Variants in PCGF5 observed in about 807,000 individuals in gnomAD.
The protein encoded by PCGF5 is polycomb group RING finger protein 5.
A neutral mutation model predicts 44.3 loss-of-function variants in PCGF5; 9 were observed. The ratio of observed to expected loss-of-function variants is 0.20; its 90% CI spans 0.12 to 0.35. The LOEUF (loss-of-function observed/expected upper bound fraction) is 0.35. PCGF5 is among the 10% of genes least tolerant of loss of function. PCGF5 has a pLI of 1.00. For missense variants in PCGF5, 146 were observed against 305.3 expected (o/e 0.48, Z 3.89); for synonymous variants, 95 against 102.5 (o/e 0.93, Z 0.44).
chr10:91,261,297 T>C, intron 6 of PCGF5, 29 bp from the exon 7 acceptor site: 1 of 1,464,554 alleles, frequency 6.8e-7, no homozygotes, highest in East Asian at 2.4e-5. Context: ...TGGTAGAACA[T>C]TTTAACTGGT....
chr10:91,227,579 AC>A, intron 2 of PCGF5: 1 of 1,177,444 alleles, frequency 8.5e-7, no homozygotes, highest in Non-Finnish European at 1.1e-6. Flanking sequence ...GATTCTTATT[AC>A]ATCTCACCAA....
At chr10:91,191,938 T>C (rs1487128286) in intron 1 of PCGF5, among the ~76,000 whole-genome samples, 1 of 152,242 alleles carries the variant, frequency 6.6e-6, no homozygotes. Flanking sequence ...TGTAGTAATC[T>C]TTATCCAAAG....
intron 1 of PCGF5, among the ~76,000 whole-genome samples, chr10:91,163,458 A>G (rs1191529303): frequency 1.3e-5 from 2 of 151,928 alleles, no homozygotes; most frequent in African/African-American, 4.8e-5. Flanking sequence ...AATGTGTTCG[A>G]AGAAGCTGAC....
At chr10:91,162,948 C>A (rs1843415333), upstream of PCGF5, 2 of 145,482 alleles carry the variant, frequency 1.4e-5, no homozygotes, top group South Asian at 1.9e-4. Context: ...GCCCCCGCCC[C>A]GCGCCGCTCG....
intron 9 of PCGF5, among the ~76,000 whole-genome samples, chr10:91,277,414 A>T (rs56693041): frequency 2.0e-5 from 3 of 152,030 alleles, no homozygotes; most frequent in African/African-American, 7.3e-5. Flanking sequence ...TTTAAGAGAG[A>T]GTATCTACAG....
At chr10:91,219,335 A>T (rs1276763783), upstream of PCGF5, among the ~76,000 whole-genome samples, 1 of 152,220 alleles carries the variant, frequency 6.6e-6, no homozygotes, top group South Asian at 2.1e-4. Context: ...CTCCACTGTT[A>T]TTCTTTTAAA....
At chr10:91,260,868 G>GT (rs1367004096) in intron 6 of PCGF5, among the ~76,000 whole-genome samples, 1 of 151,206 alleles carries the variant, frequency 6.6e-6, no homozygotes, top group Admixed American at 6.6e-5. Context: ...TAAATGACCA[G>GT]TTAATGGGTG....
Position 91,205,648 on chromosome 10 carries a change from C to T in PCGF5, c.-183-17041C>T, listed in dbSNP as rs184186422. Reference sequence around the variant, plus strand: ...TTATGCCAGATTCCTTGCCCTGCATCGGACCACATCAGAATCATTGACAGT... The same window carrying T: ...TTATGCCAGATTCCTTGCCCTGCATTGGACCACATCAGAATCATTGACAGT... On this transcript the variant is annotated intron_variant, in intron 1 of 9. Transcript: ENST00000614189. Among the ~76,000 whole-genome samples, 258 of 152,242 alleles carry T rather than the reference C, an allele frequency of 1.7e-3. 1 individual carries two copies. The highest frequency in any genetic ancestry group is 3.0e-3 in the Non-Finnish European group (204 of 68,006).
intron 6 of PCGF5, among the ~76,000 whole-genome samples, chr10:91,254,203 C>CAT (rs1554850433): frequency 1.6e-4 from 24 of 148,044 alleles, no homozygotes; most frequent in African/African-American, 5.9e-4. Context: ...CCCTCCACCT[C>CAT]GTGTGTGTGT....
chr10:91,279,956 G>A lies in PCGF5; in HGVS notation c.*1640G>A, dbSNP rs1459912722. 6.6e-6 allele frequency: 1 copy of A among 151,956 alleles called. No individual in the cohort carries two copies. Among genetic ancestry groups the A allele is most frequent in the Non-Finnish European group, 1.5e-5 (1 of 67,880 alleles). The allele number at this position is 151,956 out of a possible 1,614,324, so 9.4% of individuals were successfully genotyped here. ...AAAGGCTGAAACTTCATAATTATCTGTTCCTTCTATCTTTTTTTGAGTCAA... is the reference window on the plus strand; with the variant it reads ...AAAGGCTGAAACTTCATAATTATCTATTCCTTCTATCTTTTTTTGAGTCAA... On this transcript the variant is annotated 3_prime_UTR_variant, in exon 10 of 10. Coordinates refer to ENST00000336126, the MANE Select transcript of PCGF5 (RefSeq NM_032373.5).
chr10:91,245,565 A>C (rs1394346130), intron 3 of PCGF5, among the ~76,000 whole-genome samples: 1 of 152,128 alleles, frequency 6.6e-6, no homozygotes, highest in African/African-American at 2.4e-5. Context: ...GCGTATTTGA[A>C]GGGAATGATC....
At chr10:91,265,609 T>C (rs943837000) in intron 8 of PCGF5, among the ~76,000 whole-genome samples, 1 of 152,164 alleles carries the variant, frequency 6.6e-6, no homozygotes, top group Non-Finnish European at 1.5e-5. Flanking sequence ...AGGGTTGCCA[T>C]GTTACCATAT....
At position 91,173,183 on chromosome 10, in the gene PCGF5, T is replaced by TA. The variant is rs1589348512; in HGVS notation, c.-184+10104dup. ...GGGATGCAACACACACTGTGATATT[T>TA]AAGAGCTTAATTTTTAAAGTGTTTT... On this transcript the variant is annotated intron_variant, in intron 1 of 9. Transcript: ENST00000614189. Among the ~76,000 whole-genome samples, 5 of 152,338 alleles carry TA rather than the reference T, an allele frequency of 3.3e-5. No individual in the cohort carries two copies. In the East Asian group the frequency reaches 9.6e-4, roughly 29 times the overall value.
chr10:91,198,129 G>A (rs760100741), intron 1 of PCGF5, among the ~76,000 whole-genome samples: 5 of 152,214 alleles, frequency 3.3e-5, no homozygotes, highest in Non-Finnish European at 5.9e-5. Context: ...CAGAGAAGGG[G>A]AAGAGAAGTG....
At chr10:91,184,619 G>A (rs1289563916) in intron 1 of PCGF5, among the ~76,000 whole-genome samples, 1 of 152,188 alleles carries the variant, frequency 6.6e-6, no homozygotes, top group African/African-American at 2.4e-5. Flanking sequence ...ACAGTCATTT[G>A]GAGGAAAGAG....
At chr10:91,191,935 A>C (rs539073586) in intron 1 of PCGF5, among the ~76,000 whole-genome samples, 2 of 152,338 alleles carry the variant, frequency 1.3e-5, no homozygotes, top group East Asian at 3.9e-4. Flanking sequence ...TCCTGTAGTA[A>C]TCTTTATCCA....
chr10:91,213,650 T>C (rs1192566513), intron 1 of PCGF5, among the ~76,000 whole-genome samples: 1 of 150,812 alleles, frequency 6.6e-6, no homozygotes, highest in Admixed American at 6.6e-5. Flanking sequence ...TTTTTTTTTT[T>C]CTTTTTTGTA....
chr10:91,171,815 G>T lies in PCGF5; in HGVS notation c.-184+8734G>T, dbSNP rs150191296. Among the ~76,000 whole-genome samples the T allele has an allele frequency of 1.1e-4, 16 of 152,266 alleles. No homozygotes were observed. The East Asian group carries it at 3.1e-3, about 29-fold the overall frequency. ...TCAAAGTGTGGCTGAGCTTGGGGAT[G>T]TTGAGTGACACAGGCCAATGGAGGT... On this transcript the variant is annotated intron_variant, in intron 1 of 9. Coordinates refer to the PCGF5 transcript ENST00000614189.
At position 91,250,390 on chromosome 10, in the gene PCGF5, C is replaced by T. The variant is rs564576568; in HGVS notation, c.326-902C>T. ...AAGTGTTAGCTTAGAGGTATCTCATCTGGAAATCGTCCCTGCTTCACTCCC... is the reference window on the plus strand; with the variant it reads ...AAGTGTTAGCTTAGAGGTATCTCATTTGGAAATCGTCCCTGCTTCACTCCC... On this transcript the variant is annotated intron_variant, in intron 5 of 9. Transcript: ENST00000336126. Among the ~76,000 whole-genome samples, 4 of 151,784 alleles carry T rather than the reference C, an allele frequency of 2.6e-5. No individual in the cohort carries two copies. In the South Asian group the frequency reaches 8.3e-4, roughly 31 times the overall value.
Sources: allele counts gnomAD v4.1 joint callset (sites outside exome capture counted in the v4.1 genomes callset), GRCh38; gene constraint gnomAD v4.1.1; transcripts MANE v1.5; gene names NCBI Gene and HGNC (gene_info 2026-07-23, HGNC 2026-07-21).